Variants in ELAPOR1 observed in about 807,000 individuals in gnomAD.
ELAPOR1 encodes the protein endosome/lysosome-associated apoptosis and autophagy regulator 1.
A neutral mutation model predicts 119.7 loss-of-function variants in ELAPOR1; 77 were observed. That is an observed-to-expected ratio of 0.64 (90% CI 0.54 to 0.78). The LOEUF (loss-of-function observed/expected upper bound fraction) is 0.78, where lower values mean the gene tolerates loss of function less well. Among genes scored for constraint, ELAPOR1 ranks in the 30% least tolerant of loss-of-function variants. The probability of loss-of-function intolerance (pLI) is 0.00; values close to 1 mark genes in which losing one functional copy is unlikely to be tolerated. For missense variants in ELAPOR1, 1,115 were observed against 1,270.4 expected (o/e 0.88, Z 1.86); for synonymous variants, 481 against 487.2 (o/e 0.99, Z 0.17).
chr1:109,119,980 C>T (rs1648286821), intron 1 of ELAPOR1, among the ~76,000 whole-genome samples: 1 of 152,168 alleles, frequency 6.6e-6, no homozygotes, highest in African/African-American at 2.4e-5. Flanking sequence ...TTAGTCACCA[C>T]TATGGTCTGA....
At chr1:109,120,372 G>A (rs1410639229) in intron 1 of ELAPOR1, among the ~76,000 whole-genome samples, 1 of 150,872 alleles carries the variant, frequency 6.6e-6, no homozygotes, top group Non-Finnish European at 1.5e-5. Context: ...ACTCCAGCCT[G>A]CGTGACAGAG....
At chr1:109,139,219 C>A (rs1649676828) in intron 1 of ELAPOR1, among the ~76,000 whole-genome samples, 1 of 151,990 alleles carries the variant, frequency 6.6e-6, no homozygotes, top group Non-Finnish European at 1.5e-5. Context: ...AGTGTGGTGG[C>A]AACGCCTGTA....
intron 15 of ELAPOR1, among the ~76,000 whole-genome samples, chr1:109,196,752 T>C (rs950385124): frequency 6.6e-6 from 1 of 151,788 alleles, no homozygotes; most frequent in African/African-American, 2.4e-5. Context: ...GCACGATCTC[T>C]GCTCACTGCA....
At chr1:109,144,061 A>ATATATATATATATATATATT in intron 1 of ELAPOR1, among the ~76,000 whole-genome samples, 16 of 88,984 alleles carry the variant, frequency 1.8e-4, no homozygotes, top group African/African-American at 7.2e-4. Flanking sequence ...ATATTTATAT[A>ATATATATATATATATATATT]TTTTTTTTTT....
intron 1 of ELAPOR1, among the ~76,000 whole-genome samples, chr1:109,122,471 C>A (rs888005270): frequency 6.6e-6 from 1 of 151,460 alleles, no homozygotes; most frequent in Non-Finnish European, 1.5e-5. Context: ...CCAGCCTGGG[C>A]AACATAGCAA....
chr1:109,158,465 GT>G lies in ELAPOR1; in HGVS notation c.154-3422del, dbSNP rs574938314. 4.4e-3 allele frequency among the ~76,000 whole-genome samples: 677 copies of G among 152,180 alleles called. 4 individuals carry two copies. Among genetic ancestry groups the G allele is most frequent in the African/African-American group, 0.016 (646 of 41,504 alleles). The stretch of plus-strand genomic sequence containing the variant: ...AGGCAAAGCATATTCCAGTTTCAGG[GT>G]TTTTTTCCTCTTCCTTCTCATGTGC... On this transcript the variant is annotated intron_variant, in intron 1 of 21. Transcript: ENST00000369939.
chr1:109,192,781 C>T lies in ELAPOR1; in HGVS notation c.1854C>T (p.Cys618=), dbSNP rs747889137. ...GYYIDRDSGT[C]HSCPTNTILK... ...ATATTGACCGAGATTCAGGAACCTG[C>T]CACTCCTGCCCCACTAACACAATTC... is the stretch of plus-strand genomic sequence containing the variant. Residue 618 remains cysteine, a synonymous_variant, in exon 14 of 22, where the codon TGC becomes TGT. Transcript: ENST00000369939. 1.2e-6 allele frequency: 2 copies of T among 1,614,042 alleles called. No individual in the cohort carries two copies. The highest frequency in any genetic ancestry group is 3.3e-5 in the Admixed American group (2 of 60,020).
At position 109,164,243 on chromosome 1, in the gene ELAPOR1, T is replaced by C. The variant is rs570568586; in HGVS notation, c.275-256T>C. On this transcript the variant is annotated intron_variant, in intron 2 of 21. Transcript: ENST00000369939. ...CCCTGGCAACCACAAATCTACTTTC[T>C]GTCTCTATGGCTTCACCTCTTTTGG... Among the ~76,000 whole-genome samples the C allele has an allele frequency of 2.9e-3, 439 of 152,274 alleles. 4 individuals are homozygous for C. The highest frequency in any genetic ancestry group is 9.9e-3 in the African/African-American group (410 of 41,548).
Position 109,132,203 on chromosome 1 carries a change from AATGGC to A in ELAPOR1, c.153+17871_153+17875del, listed in dbSNP as rs200601341. ...TGCTCTGTCACCCAGGCTAGAGTGC[AATGGC>A]ATGATCTCAGCTCACTGCAACCTCC... On this transcript the variant is annotated intron_variant, in intron 1 of 21. Transcript: ENST00000369939. Among the ~76,000 whole-genome samples, 1,023 of 152,126 alleles carry A rather than the reference AATGGC, an allele frequency of 6.7e-3. 13 individuals are homozygous for A. The highest frequency in any genetic ancestry group is 0.023 in the African/African-American group (954 of 41,512).
chr1:109,191,307 G>A, intron 11 of ELAPOR1, 59 bp from the exon 12 acceptor site: 2 of 1,180,256 alleles, frequency 1.7e-6, no homozygotes, highest in Non-Finnish European at 1.3e-6. Context: ...CTGTTGTCTG[G>A]GCTCTTCAAT....
At chr1:109,194,333 C>G in intron 14 of ELAPOR1, 88 bp from the exon 15 acceptor site, 2 of 1,241,670 alleles carry the variant, frequency 1.6e-6, no homozygotes, top group South Asian at 1.3e-5. Flanking sequence ...TGGGCGGGAC[C>G]AGACGGGGGA....
chr1:109,164,847 C>T (rs1431134219), intron 3 of ELAPOR1, among the ~76,000 whole-genome samples, 156 bp downstream of exon 3: 1 of 152,182 alleles, frequency 6.6e-6, no homozygotes, highest in African/African-American at 2.4e-5. Context: ...GCTGTGCCCG[C>T]AAGACCAGTG....
At chr1:109,201,483 C>A (rs1654172422) in intron 21 of ELAPOR1, 1 of 404,780 alleles carries the variant, frequency 2.5e-6, no homozygotes. Flanking sequence ...CAGCAGACAG[C>A]ATACAAGCAG....
intron 17 of ELAPOR1, among the ~76,000 whole-genome samples, 187 bp downstream of exon 17, chr1:109,198,262 A>C (rs547136915): frequency 5.9e-5 from 9 of 152,308 alleles, no homozygotes; most frequent in African/African-American, 2.2e-4. Flanking sequence ...ATATTACTGG[A>C]GCAGATCTGC....
chr1:109,200,223 GA>G lies in ELAPOR1; in HGVS notation c.2798del (p.Lys933ArgfsTer5). ...LLTVLTCYFW[K>X]KNQKLEYKYS... ...TCACCGTCTTGACCTGCTACTTTTG[GA>G]AAAAGAATCAAAAGTACATGTTGCG... On this transcript the variant is annotated frameshift_variant, in exon 20 of 22. Transcript: ENST00000369939. LOFTEE classifies it high-confidence loss of function. 1.9e-6 allele frequency: 3 copies of G among 1,613,984 alleles called. No homozygotes were observed. The highest frequency in any genetic ancestry group is 2.2e-5 in the South Asian group (2 of 91,076).
intron 1 of ELAPOR1, among the ~76,000 whole-genome samples, chr1:109,161,074 T>C (rs1393251712): frequency 6.6e-6 from 1 of 152,038 alleles, no homozygotes. Flanking sequence ...TAAAATGCAA[T>C]TGGGAATTCA....
intron 1 of ELAPOR1, among the ~76,000 whole-genome samples, chr1:109,118,870 C>T (rs1648197440): frequency 1.3e-5 from 2 of 149,636 alleles, no homozygotes; most frequent in African/African-American, 5.0e-5. Flanking sequence ...AGTGTCTAGG[C>T]TTTTCTGTTT....
chr1:109,180,206 AT>A (rs1399213210), intron 7 of ELAPOR1, among the ~76,000 whole-genome samples: 4 of 152,194 alleles, frequency 2.6e-5, no homozygotes, highest in Admixed American at 2.6e-4. Context: ...TTAGTGATCC[AT>A]TTCCTAAACA....
At chr1:109,172,782 A>G (rs1570681676) in intron 5 of ELAPOR1, among the ~76,000 whole-genome samples, 1 of 152,330 alleles carries the variant, frequency 6.6e-6, no homozygotes, top group East Asian at 1.9e-4. Context: ...TCCAAAGACC[A>G]GCAGCTTTCC....
Sources: allele counts gnomAD v4.1 joint callset (sites outside exome capture counted in the v4.1 genomes callset), GRCh38; gene constraint gnomAD v4.1.1; transcripts MANE v1.5; gene names NCBI Gene and HGNC (gene_info 2026-07-23, HGNC 2026-07-21).